VWA3B: variants seen among roughly 807,000 people sequenced by gnomAD.
The protein encoded by VWA3B is von Willebrand factor A domain-containing protein 3B.
A neutral mutation model predicts 158.3 loss-of-function variants in VWA3B; 138 were observed. The ratio of observed to expected loss-of-function variants is 0.87; its 90% confidence interval spans 0.76 to 1.00. The LOEUF is 1.00. Among genes scored for constraint, VWA3B ranks in the 50% least tolerant of loss-of-function variants. The probability of loss-of-function intolerance (pLI) is 0.00; values close to 1 mark genes in which losing one functional copy is unlikely to be tolerated. For missense variants in VWA3B, 1,555 were observed against 1,565.1 expected (o/e 0.99, Z 0.11); for synonymous variants, 596 against 587.3 (o/e 1.01, Z -0.21).
At chr2:98,179,778 TC>T (rs1210185529) in intron 8 of VWA3B, among the ~76,000 whole-genome samples, 9 of 112,376 alleles carry the variant, frequency 8.0e-5, no homozygotes, top group Non-Finnish European at 1.4e-4. Flanking sequence ...TCTCTTTCTT[TC>T]TCTTTCTTTT....
In VWA3B at chr2:98,312,046, G is replaced by C. The variant is rs774466632; in HGVS notation, c.3735+14G>C. The C allele has an allele frequency of 2.1e-5, 34 of 1,592,166 alleles. No homozygotes were observed. The highest frequency in any genetic ancestry group is 8.9e-5 in the Admixed American group (5 of 56,372). ...CCCGAGCCCAGGGTTTGGGTGATGG[G>C]GGGGGAACACAACATCGCTTATCTC... is the stretch of plus-strand genomic sequence containing the variant. On this transcript the variant is annotated intron_variant, in intron 27 of 27. Coordinates refer to ENST00000477737, the MANE Select transcript of VWA3B (RefSeq NM_144992.5).
At chr2:98,212,276 C>G in intron 13 of VWA3B, 1 of 333,890 alleles carries the variant, frequency 3.0e-6, no homozygotes. Context: ...AGCCTGGAGA[C>G]CAGCCCCACA....
At chr2:98,122,073 G>A (rs973190882) in intron 5 of VWA3B, 4 of 152,394 alleles carry the variant, frequency 2.6e-5, no homozygotes, top group African/African-American at 9.7e-5. Flanking sequence ...GACATTTTTG[G>A]AAATAAAGCT....
In VWA3B at chr2:98,297,271, G is replaced by A. The variant is rs939624808; in HGVS notation, c.3158-636G>A. Reference sequence around the variant, plus strand: ...TAATTTTTGTATTTTCAGTAGAGACGGGGTTTCACCATGTTAGCCAGGCTG... The same window carrying A: ...TAATTTTTGTATTTTCAGTAGAGACAGGGTTTCACCATGTTAGCCAGGCTG... On this transcript the variant is annotated intron_variant, in intron 23 of 27. Transcript: ENST00000477737. Among the ~76,000 whole-genome samples the A allele has an allele frequency of 1.3e-3, 198 of 151,798 alleles. 3 individuals are homozygous for A. The highest frequency in any genetic ancestry group is 4.6e-4 in the Admixed American group (7 of 15,254).
At chr2:98,323,778 A>G in the VWA3B span, among the ~76,000 whole-genome samples, 2 of 152,238 alleles carry the variant, frequency 1.3e-5, no homozygotes, top group African/African-American at 4.8e-5. Context: ...CATAGTGCAA[A>G]AAGAAAAGAA....
chr2:98,264,574 GA>G (rs1687676201), intron 21 of VWA3B, among the ~76,000 whole-genome samples: 1 of 151,918 alleles, frequency 6.6e-6, no homozygotes, highest in Admixed American at 6.6e-5. Flanking sequence ...ATTTTGTTCA[GA>G]AAAAATACTT....
intron 7 of VWA3B, among the ~76,000 whole-genome samples, chr2:98,155,075 G>T (rs1419766717): frequency 6.6e-6 from 1 of 152,214 alleles, no homozygotes. Flanking sequence ...CAAACTTACA[G>T]ATAGTGGAAG....
At chr2:98,171,037 G>A (rs2105295473) in intron 8 of VWA3B, among the ~76,000 whole-genome samples, 1 of 152,316 alleles carries the variant, frequency 6.6e-6, no homozygotes, top group Non-Finnish European at 1.5e-5. Flanking sequence ...GGACTGTTAG[G>A]AAAGTTACAT....
At chr2:98,247,704 T>G (rs1441589347) in intron 19 of VWA3B, among the ~76,000 whole-genome samples, 1 of 152,140 alleles carries the variant, frequency 6.6e-6, no homozygotes, top group East Asian at 1.9e-4. Flanking sequence ...AAGATTTTCT[T>G]TTAGATTCAG....
chr2:98,233,895 A>G (rs1323671909), intron 16 of VWA3B, among the ~76,000 whole-genome samples: 1 of 152,230 alleles, frequency 6.6e-6, no homozygotes, highest in Non-Finnish European at 1.5e-5. Flanking sequence ...GGTTTATGTT[A>G]TCAAATATAA....
Position 98,270,868 on chromosome 2 carries a change from C to T in VWA3B, c.3030C>T (p.Asn1010=). ...AGGCTGCCAAGAAGAATTATGCAAA[C>T]AAGGCCCCGGGAGAGGTGGGTGCCC... ...LQEAAKKNYA[N]KAPGEQQKLQ... is the part of the protein sequence containing the mutation. Residue 1010 remains asparagine, a synonymous_variant, in exon 22 of 28, where the codon AAC becomes AAT. Coordinates refer to ENST00000477737, the MANE Select transcript of VWA3B (RefSeq NM_144992.5). 4 of 1,613,956 alleles carry T rather than the reference C, an allele frequency of 2.5e-6. No homozygotes were observed. The highest frequency in any genetic ancestry group is 2.5e-6 in the Non-Finnish European group (3 of 1,179,916).
chr2:98,143,424 T>C (rs1676935500), intron 7 of VWA3B, among the ~76,000 whole-genome samples: 1 of 152,272 alleles, frequency 6.6e-6, no homozygotes, highest in Non-Finnish European at 1.5e-5. Context: ...TTTAAAGTTA[T>C]ATATGTGGTT....
chr2:98,227,713 G>A (rs548155308), intron 14 of VWA3B, among the ~76,000 whole-genome samples: 132 of 152,310 alleles, frequency 8.7e-4, no homozygotes, highest in African/African-American at 3.1e-3. Flanking sequence ...GTGACAGAAA[G>A]CCAATGAGTA....
intron 12 of VWA3B, among the ~76,000 whole-genome samples, chr2:98,201,098 G>T (rs898771598): frequency 1.3e-5 from 2 of 151,898 alleles, no homozygotes; most frequent in Non-Finnish European, 2.9e-5. Context: ...AATTTTTTTG[G>T]CTGTTATATA....
intron 2 of VWA3B, among the ~76,000 whole-genome samples, chr2:98,102,904 G>A (rs1478387425): frequency 2.6e-5 from 4 of 152,120 alleles, no homozygotes; most frequent in African/African-American, 9.7e-5. Context: ...ATAAACAGAG[G>A]GCTAATCAGA....
At chr2:98,299,725 T>C (rs891960597) in intron 24 of VWA3B, among the ~76,000 whole-genome samples, 2 of 152,250 alleles carry the variant, frequency 1.3e-5, no homozygotes, top group Admixed American at 6.5e-5. Flanking sequence ...ACAGCCCTTC[T>C]GGCAGATGAG....
At chr2:98,136,008 C>T (rs1676256074) in intron 7 of VWA3B, among the ~76,000 whole-genome samples, 1 of 152,128 alleles carries the variant, frequency 6.6e-6, no homozygotes, top group South Asian at 2.1e-4. Context: ...TACATTATTT[C>T]CCCCTCCATT....
chr2:98,196,703 A>T (rs539246765), intron 12 of VWA3B, among the ~76,000 whole-genome samples: 1 of 152,264 alleles, frequency 6.6e-6, no homozygotes, highest in Non-Finnish European at 1.5e-5. Context: ...CTTTGCCACC[A>T]TCTTTTCAGC....
chr2:98,286,842 T>G (rs1006733506), intron 22 of VWA3B, among the ~76,000 whole-genome samples: 2 of 152,132 alleles, frequency 1.3e-5, no homozygotes, highest in Non-Finnish European at 2.9e-5. Context: ...TGGCTTCTCT[T>G]TTCAGTTCTC....
Sources: gnomAD v4.1 joint callset for allele counts (sites outside exome capture counted in the v4.1 genomes callset) on GRCh38, gnomAD v4.1.1 for gene constraint, MANE v1.5 for transcripts, NCBI Gene and HGNC (gene_info 2026-07-23, HGNC 2026-07-21) for gene names.